UGT1A10: variants seen among roughly 807,000 people sequenced by gnomAD.
The protein encoded by UGT1A10 is UDP-glucuronosyltransferase 1A10.
Under a neutral mutation model 45.8 loss-of-function variants are expected in UGT1A10, and 49 were observed. The ratio of observed to expected loss-of-function variants is 1.07; its 90% CI spans 0.85 to 1.36. The LOEUF (loss-of-function observed/expected upper bound fraction) is 1.36, where lower values mean the gene tolerates loss of function less well. UGT1A10 is among the 40% of genes most tolerant of loss of function. UGT1A10 has a pLI of 0.00. For synonymous variants in UGT1A10, 284 were observed against 249.7 expected, an observed-to-expected ratio of 1.14 and a Z score of -1.29; for missense variants, 745 against 668.6, an observed-to-expected ratio of 1.11 and a Z score of -1.26.
chr2:233,699,358 T>C (rs184232584), intron 1 of UGT1A10, among the ~76,000 whole-genome samples: 40 of 152,340 alleles, frequency 2.6e-4, no homozygotes, highest in African/African-American at 8.9e-4. Context: ...CCTCTTTTCT[T>C]ATTGGTATGG....
chr2:233,749,365 C>A (rs540660100), intron 1 of UGT1A10, among the ~76,000 whole-genome samples: 4 of 151,824 alleles, frequency 2.6e-5, no homozygotes, highest in Admixed American at 1.3e-4. Context: ...GTGACTCTTG[C>A]CCTTTTCTTC....
intron 1 of UGT1A10, among the ~76,000 whole-genome samples, chr2:233,687,899 C>T (rs2125538579): frequency 6.6e-6 from 1 of 152,174 alleles, no homozygotes; most frequent in Middle Eastern, 3.4e-3. Flanking sequence ...TAGACTAAGA[C>T]CTTGTCTCAA....
At chr2:233,735,248 G>T (rs1391437917) in intron 1 of UGT1A10, among the ~76,000 whole-genome samples, 3 of 152,102 alleles carry the variant, frequency 2.0e-5, no homozygotes, top group African/African-American at 7.2e-5. Flanking sequence ...TTGTTGAATT[G>T]CTCCCTTTAC....
intron 1 of UGT1A10, among the ~76,000 whole-genome samples, chr2:233,730,871 C>T (rs1197291212): frequency 6.6e-6 from 1 of 152,088 alleles, no homozygotes; most frequent in Non-Finnish European, 1.5e-5. Context: ...TACTGCACTC[C>T]AGGTTTCTAT....
At chr2:233,660,664 G>T (rs1020289532) in intron 1 of UGT1A10, among the ~76,000 whole-genome samples, 1 of 152,122 alleles carries the variant, frequency 6.6e-6, no homozygotes, top group African/African-American at 2.4e-5. Context: ...TGCATAAGAC[G>T]ACAGAGTTAG....
chr2:233,708,055 C>T (rs77717552), intron 1 of UGT1A10, among the ~76,000 whole-genome samples: 1 of 152,108 alleles, frequency 6.6e-6, no homozygotes, highest in African/African-American at 2.4e-5. Flanking sequence ...AATATCTTCC[C>T]CCACTCTGCA....
At chr2:233,678,165 A>G (rs2074410372) in intron 1 of UGT1A10, among the ~76,000 whole-genome samples, 1 of 152,166 alleles carries the variant, frequency 6.6e-6, no homozygotes, top group Non-Finnish European at 1.5e-5. Flanking sequence ...ATGGACTCCT[A>G]AAAGGGAGAG....
intron 1 of UGT1A10, among the ~76,000 whole-genome samples, chr2:233,650,131 C>T (rs1452187364): frequency 6.6e-6 from 1 of 152,102 alleles, no homozygotes; most frequent in Non-Finnish European, 1.5e-5. Context: ...CCACCACACC[C>T]AGCTAATTTT....
intron 4 of UGT1A10, chr2:233,770,251 G>A (rs1382246266): frequency 6.6e-6 from 1 of 152,150 alleles, no homozygotes; most frequent in Non-Finnish European, 1.5e-5. Flanking sequence ...CCAACACTCT[G>A]AGCTGGGGAT....
intron 1 of UGT1A10, among the ~76,000 whole-genome samples, chr2:233,639,723 G>A (rs1221767619): frequency 6.6e-6 from 1 of 152,182 alleles, no homozygotes; most frequent in Non-Finnish European, 1.5e-5. Flanking sequence ...AGCCAGGGAT[G>A]TAATTAAATA....
In UGT1A10 at chr2:233,761,002, CAG is replaced by C. The variant is rs797046091; in HGVS notation, c.856-6025_856-6024del. On this transcript the variant is annotated intron_variant, in intron 1 of 4. Coordinates refer to ENST00000344644, the MANE Select transcript of UGT1A10 (RefSeq NM_019075.4). The stretch of plus-strand genomic sequence containing the variant: ...TGCAACCCTTGCCTCAGAATTCCTT[CAG>C]AGAGAGGTGACTGTCCAGGACCTAT... The C allele has an allele frequency of 1.5e-5, 25 of 1,614,060 alleles. No individual in the cohort carries two copies. Among genetic ancestry groups the C allele is most frequent in the Non-Finnish European group, 2.0e-5 (24 of 1,180,054 alleles).
At chr2:233,656,959 A>G (rs1439673512) in intron 1 of UGT1A10, among the ~76,000 whole-genome samples, 1 of 151,862 alleles carries the variant, frequency 6.6e-6, no homozygotes, top group African/African-American at 2.4e-5. Flanking sequence ...TCTTCCTGAA[A>G]CAGGTGAGCC....
Position 233,636,659 on chromosome 2 carries a change from A to T in UGT1A10, c.137A>T (p.Glu46Val). The T allele has an allele frequency of 6.2e-7, 1 of 1,614,094 alleles. No homozygotes were observed. The highest frequency in any genetic ancestry group is 1.1e-5 in the South Asian group (1 of 91,072). The change falls in exon 1 of 5, where the codon GAG becomes GTG. Residue 46 changes from glutamate (E) to valine (V), a missense_variant. Coordinates refer to ENST00000344644, the MANE Select transcript of UGT1A10 (RefSeq NM_019075.4). ...TGGTTCACCATGCAGTCGGTGGTGG[A>T]GAAACTTATCCTCAGGGGGCATGAG... ...SHWFTMQSVV[E>V]KLILRGHEVV...
At chr2:233,658,303 G>A (rs978912783) in intron 1 of UGT1A10, among the ~76,000 whole-genome samples, 7 of 152,150 alleles carry the variant, frequency 4.6e-5, no homozygotes, top group Non-Finnish European at 7.4e-5. Context: ...ACAGGTGTGA[G>A]CAATGGCACC....
intron 1 of UGT1A10, among the ~76,000 whole-genome samples, chr2:233,686,913 G>C (rs2074811848): frequency 6.6e-6 from 1 of 152,180 alleles, no homozygotes; most frequent in South Asian, 2.1e-4. Flanking sequence ...CAACAAGAAA[G>C]GGCATCCCAC....
chr2:233,683,579 T>A (rs2074640899), intron 1 of UGT1A10, among the ~76,000 whole-genome samples: 1 of 152,208 alleles, frequency 6.6e-6, no homozygotes, highest in South Asian at 2.1e-4. Context: ...ATCTTCCTAC[T>A]CAAGAATATG....
intron 1 of UGT1A10, 106 bp downstream of exon 1, chr2:233,637,483 A>G: frequency 6.7e-7 from 1 of 1,497,570 alleles, no homozygotes. Context: ...TGCATTTCAA[A>G]TTTCTTTCCA....
chr2:233,664,369 C>G (rs537937024), intron 1 of UGT1A10, among the ~76,000 whole-genome samples: 1 of 152,252 alleles, frequency 6.6e-6, no homozygotes, highest in African/African-American at 2.4e-5. Flanking sequence ...CATCTCAGTA[C>G]CAATTTTCTA....
chr2:233,737,321 C>G (rs2078863699), intron 1 of UGT1A10, among the ~76,000 whole-genome samples: 1 of 152,264 alleles, frequency 6.6e-6, no homozygotes, highest in African/African-American at 2.4e-5. Flanking sequence ...GACTGCTGCA[C>G]TAGCAGTGAG....
Sources: gnomAD v4.1 joint callset for allele counts (sites outside exome capture counted in the v4.1 genomes callset) on GRCh38, gnomAD v4.1.1 for gene constraint, MANE v1.5 for transcripts, NCBI Gene and HGNC (gene_info 2026-07-23, HGNC 2026-07-21) for gene names.